ZNF74: variants seen among roughly 807,000 people sequenced by gnomAD.
ZNF74 encodes the protein zinc finger protein 520.
A neutral mutation model predicts 17.7 loss-of-function variants in ZNF74; 12 were observed. That is an observed-to-expected ratio of 0.68 (90% confidence interval 0.43 to 1.10). The LOEUF is 1.10. Ranked by LOEUF, ZNF74 falls within the 50% of genes least tolerant of loss-of-function variation. The pLI is 0.00. For synonymous variants in ZNF74, 358 were observed against 362.1 expected (o/e 0.99, Z 0.13); for missense variants, 811 against 881.0 (o/e 0.92, Z 1.01).
Position 20,408,438 on chromosome 22 carries a change from C to T in ZNF74, c.*1470C>T, listed in dbSNP as rs2146106170. ...AAAATCCCCATAATTCTTAATAAAACTGCCTTTTGCACTTTGATACATTAC... is the reference window on the plus strand; with the variant it reads ...AAAATCCCCATAATTCTTAATAAAATTGCCTTTTGCACTTTGATACATTAC... On this transcript the variant is annotated 3_prime_UTR_variant, in exon 5 of 5. Transcript: ENST00000400451. 6.6e-6 allele frequency: 1 copy of T among 152,308 alleles called. No homozygotes were observed. Among genetic ancestry groups the T allele is most frequent in the East Asian group, 1.9e-4 (1 of 5,190 alleles). The allele number at this position is 152,308 out of a possible 1,614,324, so 9.4% of individuals were successfully genotyped here. A position where few individuals can be genotyped will look rare whatever the true frequency, so the allele number is the denominator to read the frequency against.
chr22:20,394,246 G>A lies in ZNF74; in HGVS notation c.-383G>A, dbSNP rs1056075270. Reference sequence around the variant, plus strand: ...GTCCCTCAGACCGTCGGCGGTCTCTGTCCGCTTCGGGACCTGTCCGCTGGT... The same window carrying A: ...GTCCCTCAGACCGTCGGCGGTCTCTATCCGCTTCGGGACCTGTCCGCTGGT... On this transcript the variant is annotated 5_prime_UTR_variant, in exon 1 of 5. Transcript: ENST00000400451. The A allele has an allele frequency of 4.4e-5, 31 of 704,176 alleles. No homozygotes were observed. The highest frequency in any genetic ancestry group is 2.0e-4 in the Admixed American group (10 of 49,624). 43.6% of individuals were successfully genotyped at this position (704,176 alleles called of 1,614,324 possible). A position where few individuals can be genotyped will look rare whatever the true frequency, so the allele number is the denominator to read the frequency against.
chr22:20,401,737 A>C lies in ZNF74; in HGVS notation c.343+365A>C, dbSNP rs1315837915. Among the ~76,000 whole-genome samples, 1 of 152,188 alleles carries C rather than the reference A, an allele frequency of 6.6e-6. No individual in the cohort carries two copies. Among genetic ancestry groups the C allele is most frequent in the African/African-American group, 2.4e-5 (1 of 41,452 alleles). ...GCTGGCGTTGGTCAGTGTCAGGGTC[A>C]GCATGAGCATCAGCATCAGGGCCAG... On this transcript the variant is annotated intron_variant, in intron 4 of 4. Transcript: ENST00000400451. The surrounding 1 kb of genome is among the most constrained non-coding windows in gnomAD (Gnocchi z 4.2).
chr22:20,405,748 CGCGGGGCGGGCGCCGGGGAGG>C lies in ZNF74; in HGVS notation c.719_739del (p.Gly240_Gly246del), dbSNP rs779175595. The C allele has an allele frequency of 1.2e-6, 2 of 1,604,564 alleles. No homozygotes were observed. Among genetic ancestry groups the C allele is most frequent in the Non-Finnish European group, 1.7e-6 (2 of 1,176,206 alleles). On this transcript the variant is annotated inframe_deletion, in exon 5 of 5. Transcript: ENST00000400451. The stretch of plus-strand genomic sequence containing the variant: ...AAAGTTCCCCCAGGTGCGCCGGCAG[CGCGGGGCGGGCGCCGGGGAGG>C]GCGAGTTCGTGTGCGGCGAGTGCGG...
rs1158242766 is a variant in ZNF74, at chr22:20,401,386, C to G, written c.343+14C>G. The G allele has an allele frequency of 6.4e-7, 1 of 1,566,752 alleles. No individual in the cohort carries two copies. Among genetic ancestry groups the G allele is most frequent in the Non-Finnish European group, 8.7e-7 (1 of 1,146,342 alleles). ...GGCCCTGTCCAGGTGAGCAGAGGCA[C>G]AGGTGGAAGGGTGCCAGCCCCAGCA... On this transcript the variant is annotated intron_variant, in intron 4 of 4. Coordinates refer to ENST00000400451, the MANE Select transcript of ZNF74 (RefSeq NM_003426.4). This position sits in a 1 kb window ranked among gnomAD's most constrained non-coding sequence, Gnocchi z 4.2.
Position 20,406,125 on chromosome 22 carries a change from G to A in ZNF74, c.1092G>A (p.Glu364=), listed in dbSNP as rs1483297841. 2 of 1,612,252 alleles carry A rather than the reference G, an allele frequency of 1.2e-6. No homozygotes were observed. Among genetic ancestry groups the A allele is most frequent in the Admixed American group, 1.7e-5 (1 of 59,876 alleles). Residue 364 remains glutamate (E), a synonymous_variant, in exon 5 of 5, where the codon GAG becomes GAA. Transcript: ENST00000400451. Reference sequence around the variant, plus strand: ...GCGAGAAGCCCTACCGGTGCGGCGAGTGCGGCAAGGCCTTCAACCAGCGTA... The same window carrying A: ...GCGAGAAGCCCTACCGGTGCGGCGAATGCGGCAAGGCCTTCAACCAGCGTA... ...HTGEKPYRCG[E]CGKAFNQRTH... is the part of the protein sequence containing the mutation.
rs571000384 is a variant in ZNF74 at position 20,401,894 on chromosome 22, G to T, written c.343+522G>T. Among the ~76,000 whole-genome samples, 1 of 152,198 alleles carries T rather than the reference G, an allele frequency of 6.6e-6. No individual in the cohort carries two copies. The highest frequency in any genetic ancestry group is 2.1e-4 in the South Asian group (1 of 4,800). Reference sequence around the variant, plus strand: ...AGAGTCAGCATCAGCATTAGGGTCAGCATCAGCGTCAGGGTCAGGGTCAAC... The same window carrying T: ...AGAGTCAGCATCAGCATTAGGGTCATCATCAGCGTCAGGGTCAGGGTCAAC... On this transcript the variant is annotated intron_variant, in intron 4 of 4. Transcript: ENST00000400451. The surrounding 1 kb of genome is among the most constrained non-coding windows in gnomAD (Gnocchi z 4.2).
chr22:20,396,952 G>A (rs1186485417), intron 2 of ZNF74, among the ~76,000 whole-genome samples: 1 of 152,154 alleles, frequency 6.6e-6, no homozygotes, highest in African/African-American at 2.4e-5. Flanking sequence ...GCCTGTGCGG[G>A]CCTCAGACCC....
At position 20,405,483 on chromosome 22, in the gene ZNF74, G is replaced by A; in HGVS notation, c.450G>A (p.Gly150=). ...CCCTCGGCGGGGCGCAGGCGTGGGG[G>A]CGCCAGGCAGGTGCTCTGCAGAGGA... is the stretch of plus-strand genomic sequence containing the variant. The part of the protein sequence containing the change: ...ERPLGGAQAW[G]RQAGALQRSQ... Residue 150 remains glycine, a synonymous_variant, in exon 5 of 5, where the codon GGG becomes GGA. Coordinates refer to ENST00000400451, the MANE Select transcript of ZNF74 (RefSeq NM_003426.4). The A allele has an allele frequency of 6.8e-6, 11 of 1,608,506 alleles. No individual in the cohort carries two copies. Among genetic ancestry groups the A allele is most frequent in the Non-Finnish European group, 9.3e-6 (11 of 1,178,318 alleles).
chr22:20,396,402 A>G (rs1385394594), intron 2 of ZNF74, among the ~76,000 whole-genome samples: 3 of 152,098 alleles, frequency 2.0e-5, no homozygotes, highest in Non-Finnish European at 4.4e-5. Flanking sequence ...GACAAGAGGA[A>G]ATTTGAAAAT....
At chr22:20,400,435 A>C in intron 2 of ZNF74, 197 bp from the exon 3 acceptor site, 1 of 602,148 alleles carries the variant, frequency 1.7e-6, no homozygotes, top group Non-Finnish European at 3.0e-6. Context: ...GTGGGAATGC[A>C]TGCCAATTCC....
intron 3 of ZNF74, chr22:20,400,977 C>T (rs1420348974): frequency 3.3e-6 from 2 of 613,592 alleles, no homozygotes; most frequent in Non-Finnish European, 5.7e-6. Flanking sequence ...CTTGGTGTTT[C>T]CCCTGGTCCT....
chr22:20,394,547 A>T lies in ZNF74; in HGVS notation c.-82A>T. The stretch of plus-strand genomic sequence containing the variant: ...CTGCAGGCCCCTCAGCCCCAGGAGC[A>T]GTACTCGCTCTTCAGGGCCTGCCCT... On this transcript the variant is annotated 5_prime_UTR_variant, in exon 1 of 5. Transcript: ENST00000400451. 6.9e-7 allele frequency: 1 copy of T among 1,454,972 alleles called. No individual in the cohort carries two copies. Among genetic ancestry groups the T allele is most frequent in the South Asian group, 1.1e-5 (1 of 87,580 alleles). The allele number at this position is 1,454,972 out of a possible 1,614,324, so 90.1% of individuals were successfully genotyped here. A position where few individuals can be genotyped will look rare whatever the true frequency, so the allele number is the denominator to read the frequency against.
At position 20,407,175 on chromosome 22, in the gene ZNF74, G is replaced by A. The variant is rs1429650934; in HGVS notation, c.*207G>A. The A allele has an allele frequency of 4.2e-6, 3 of 711,568 alleles. No homozygotes were observed. The highest frequency in any genetic ancestry group is 6.5e-5 in the Admixed American group (2 of 30,948). 44.1% of individuals were successfully genotyped at this position (711,568 alleles called of 1,614,324 possible). On this transcript the variant is annotated 3_prime_UTR_variant, in exon 5 of 5. Coordinates refer to ENST00000400451, the MANE Select transcript of ZNF74 (RefSeq NM_003426.4). Reference sequence around the variant, plus strand: ...AGGGCCACACTCCAGGAGGAGTGTTGAGAGTCATTTGAGGTAGTCTTGCCA... The same window carrying A: ...AGGGCCACACTCCAGGAGGAGTGTTAAGAGTCATTTGAGGTAGTCTTGCCA...
At chr22:20,395,825 C>T (rs2052286656) in intron 2 of ZNF74, among the ~76,000 whole-genome samples, 3 of 152,254 alleles carry the variant, frequency 2.0e-5, no homozygotes, top group African/African-American at 7.2e-5. Context: ...GACAGGGGCA[C>T]GTGGAGCAGC....
At chr22:20,396,298 T>C (rs976399963) in intron 2 of ZNF74, among the ~76,000 whole-genome samples, 3 of 151,998 alleles carry the variant, frequency 2.0e-5, no homozygotes, top group Non-Finnish European at 4.4e-5. Flanking sequence ...TGTGTCACAA[T>C]GCTTTATAGT....
intron 4 of ZNF74, among the ~76,000 whole-genome samples, chr22:20,404,799 C>G (rs570604816): frequency 2.4e-4 from 36 of 152,258 alleles, no homozygotes; most frequent in Admixed American, 8.5e-4. Flanking sequence ...GCACCACAGA[C>G]AATTTTTAAT....
chr22:20,400,547 T>C (rs2052344961), intron 2 of ZNF74, 85 bp from the exon 3 acceptor site: 1 of 1,553,740 alleles, frequency 6.4e-7, no homozygotes, highest in Non-Finnish European at 8.9e-7. Context: ...AACCCTTTAC[T>C]TGTAGGGTCC....
At chr22:20,395,259 T>C in intron 1 of ZNF74, 74 bp from the exon 2 acceptor site, 1 of 1,189,224 alleles carries the variant, frequency 8.4e-7, no homozygotes, top group Non-Finnish European at 1.2e-6. Context: ...TTCTCACTTG[T>C]GCCACGACAG....
chr22:20,406,635 C>CA lies in ZNF74; in HGVS notation c.1603dup (p.Arg535LysfsTer11). Reference sequence around the variant, plus strand: ...AGCCCTACAAGTGCAGCGAGTGCGGCAGAGCCTTCAGCCAGAACCACTGTC... The same window carrying CA: ...AGCCCTACAAGTGCAGCGAGTGCGGCAAGAGCCTTCAGCCAGAACCACTGTC... On this transcript the variant is annotated frameshift_variant, in exon 5 of 5. Coordinates refer to ENST00000400451, the MANE Select transcript of ZNF74 (RefSeq NM_003426.4). LOFTEE classifies it low-confidence loss of function (END_TRUNC). 6.2e-7 allele frequency: 1 copy of CA among 1,614,240 alleles called. No homozygotes were observed.
Sources: gnomAD v4.1 joint callset for allele counts (sites outside exome capture counted in the v4.1 genomes callset) on GRCh38, gnomAD v4.1.1 for gene constraint, Gnocchi (gnomAD v3.1) non-coding constraint, MANE v1.5 for transcripts, NCBI Gene and HGNC (gene_info 2026-07-23, HGNC 2026-07-21) for gene names.